Variants in GABRB2 observed in about 807,000 individuals in gnomAD.
The protein encoded by GABRB2 is gamma-aminobutyric acid type A receptor subunit beta2.
Under a neutral mutation model 54.7 loss-of-function variants are expected in GABRB2, and 16 were observed. The observed-to-expected ratio is 0.29, with a 90% CI of 0.20 to 0.44. The LOEUF (loss-of-function observed/expected upper bound fraction) is 0.44, where lower values mean the gene tolerates loss of function less well. Among genes scored for constraint, GABRB2 ranks in the 20% least tolerant of loss-of-function variants. The pLI, the probability that GABRB2 is intolerant of heterozygous loss-of-function variation, is 1.00. For missense variants in GABRB2, 355 were observed against 644.0 expected (o/e 0.55, Z 4.86); for synonymous variants, 244 against 233.8 (o/e 1.04, Z -0.40).
intron 3 of GABRB2, among the ~76,000 whole-genome samples, chr5:161,511,084 T>C (rs17059512): frequency 0.048 from 7,321 of 152,058 alleles, 447 homozygotes; most frequent in Admixed American, 0.16. Flanking sequence ...CCTATAATAA[T>C]TGAGAAAGTG....
intron 5 of GABRB2, among the ~76,000 whole-genome samples, chr5:161,370,326 C>A (rs966994683): frequency 5.9e-5 from 9 of 152,160 alleles, no homozygotes; most frequent in Non-Finnish European, 1.2e-4. Flanking sequence ...TCAGTCTACC[C>A]ATCACAGTGA....
chr5:161,493,120 G>T (rs1759129594), intron 3 of GABRB2, among the ~76,000 whole-genome samples: 2 of 151,704 alleles, frequency 1.3e-5, no homozygotes. Context: ...CTATTAAATG[G>T]CAAACAAAAA....
intron 3 of GABRB2, among the ~76,000 whole-genome samples, chr5:161,506,194 C>T (rs922605183): frequency 3.9e-5 from 6 of 151,968 alleles, no homozygotes; most frequent in African/African-American, 1.4e-4. Context: ...ATTCAACATA[C>T]TAAGGAAAAG....
intron 4 of GABRB2, among the ~76,000 whole-genome samples, chr5:161,435,651 T>G (rs993450623): frequency 2.0e-5 from 3 of 152,150 alleles, no homozygotes; most frequent in Non-Finnish European, 4.4e-5. Flanking sequence ...AAAAATACAA[T>G]TTTTAAATAA....
intron 5 of GABRB2, among the ~76,000 whole-genome samples, chr5:161,341,433 G>A (rs1305453160): frequency 6.6e-6 from 1 of 151,690 alleles, no homozygotes; most frequent in Non-Finnish European, 1.5e-5. Flanking sequence ...AAATAATTTT[G>A]TATTGTTATA....
At chr5:161,389,061 A>T (rs1373124921) in intron 5 of GABRB2, among the ~76,000 whole-genome samples, 1 of 152,064 alleles carries the variant, frequency 6.6e-6, no homozygotes, top group East Asian at 1.9e-4. Context: ...TGATTCTGTC[A>T]TTAACCAGAT....
rs552981847 is a variant in GABRB2 at position 161,380,180 on chromosome 5, C to T, written c.541+30795G>A. On this transcript the variant is annotated intron_variant, in intron 5 of 9. Transcript: ENST00000393959. ...ATTGATATAAGAATTATAAAGACTA[C>T]ACATTAATAGACAAATAGATTTTGA... Among the ~76,000 whole-genome samples the T allele has an allele frequency of 1.6e-4, 24 of 152,110 alleles. 1 individual carries two copies. The South Asian group carries it at 4.6e-3, about 29-fold the overall frequency.
intron 9 of GABRB2, among the ~76,000 whole-genome samples, chr5:161,319,137 T>A (rs200603480): frequency 0.072 from 10,228 of 141,698 alleles, 870 homozygotes; most frequent in African/African-American, 0.22. Context: ...TTTTTTTTTT[T>A]TTAAATAAAC....
intron 3 of GABRB2, among the ~76,000 whole-genome samples, chr5:161,475,820 A>T (rs1758574433): frequency 6.6e-6 from 1 of 151,956 alleles, no homozygotes; most frequent in African/African-American, 2.4e-5. Flanking sequence ...TAAAGACCAT[A>T]TACAAAATGT....
upstream of GABRB2, among the ~76,000 whole-genome samples, chr5:161,547,414 C>T (rs543026274): frequency 1.3e-5 from 2 of 152,218 alleles, no homozygotes; most frequent in Admixed American, 6.5e-5. Context: ...CTGGTCTCTT[C>T]TAGTAGTCAA....
Position 161,405,659 on chromosome 5 carries a change from G to A in GABRB2, c.541+5316C>T, listed in dbSNP as rs143808711. 2.8e-3 allele frequency among the ~76,000 whole-genome samples: 428 copies of A among 152,130 alleles called. 5 individuals are homozygous for A. The highest frequency in any genetic ancestry group is 4.5e-3 in the Non-Finnish European group (306 of 67,954). ...TGTTATACTCTAAGGTGCTATCGAC[G>A]TTTACCTGGGGTGGAGAAACACAAT... On this transcript the variant is annotated intron_variant, in intron 5 of 9. Coordinates refer to ENST00000393959, the MANE Select transcript of GABRB2 (RefSeq NM_001371727.1).
At chr5:161,501,374 T>C (rs1335502650) in intron 3 of GABRB2, among the ~76,000 whole-genome samples, 2 of 152,198 alleles carry the variant, frequency 1.3e-5, no homozygotes, top group Non-Finnish European at 2.9e-5. Context: ...TAATTACCTT[T>C]CAACAGAGAG....
At chr5:161,429,953 G>C (rs938065732) in intron 4 of GABRB2, among the ~76,000 whole-genome samples, 10 of 152,102 alleles carry the variant, frequency 6.6e-5, no homozygotes, top group Non-Finnish European at 1.5e-4. Context: ...ATGCTCTTTA[G>C]ATTTTTAAAA....
At position 161,368,809 on chromosome 5, in the gene GABRB2, T is replaced by A. The variant is rs374215386; in HGVS notation, c.542-32040A>T. On this transcript the variant is annotated intron_variant, in intron 5 of 9. Transcript: ENST00000393959. The stretch of plus-strand genomic sequence containing the variant: ...CATTTTGAAGCAGGATTTGTAGAGA[T>A]GTTAGAGATTAGATGGAAAGTGAGG... 2.6e-5 allele frequency among the ~76,000 whole-genome samples: 4 copies of A among 152,294 alleles called. No homozygotes were observed. In the South Asian group the frequency reaches 8.3e-4, roughly 32 times the overall value.
At chr5:161,453,846 G>A (rs1431981798) in intron 4 of GABRB2, among the ~76,000 whole-genome samples, 1 of 151,994 alleles carries the variant, frequency 6.6e-6, no homozygotes, top group East Asian at 1.9e-4. Flanking sequence ...AGACCAGCCT[G>A]GCCAACATGT....
chr5:161,365,442 A>T (rs1448576994), intron 5 of GABRB2, among the ~76,000 whole-genome samples: 9 of 152,128 alleles, frequency 5.9e-5, no homozygotes, highest in African/African-American at 9.6e-5. Flanking sequence ...TAGTATTGTT[A>T]TGTTTTTATA....
intron 3 of GABRB2, among the ~76,000 whole-genome samples, chr5:161,520,659 A>G (rs1760086180): frequency 1.3e-5 from 2 of 152,060 alleles, no homozygotes; most frequent in Non-Finnish European, 2.9e-5. Context: ...GCAAGCGTTT[A>G]TGTTATAAAT....
intron 3 of GABRB2, among the ~76,000 whole-genome samples, chr5:161,524,822 A>G (rs1760224809): frequency 6.6e-6 from 1 of 151,282 alleles, no homozygotes; most frequent in Admixed American, 6.6e-5. Flanking sequence ...TTTCCATAAC[A>G]TGATTTTTTC....
chr5:161,468,308 C>A (rs1758335404), intron 3 of GABRB2, among the ~76,000 whole-genome samples: 2 of 152,106 alleles, frequency 1.3e-5, no homozygotes, highest in South Asian at 4.1e-4. Flanking sequence ...CCTCCTTGAT[C>A]TCACTACCTA....
Sources: gnomAD v4.1 joint callset for allele counts (sites outside exome capture counted in the v4.1 genomes callset) on GRCh38, gnomAD v4.1.1 for gene constraint, MANE v1.5 for transcripts, NCBI Gene and HGNC (gene_info 2026-07-23, HGNC 2026-07-21) for gene names.